GLB1L3: variants seen among roughly 807,000 people sequenced by gnomAD.
GLB1L3 encodes beta-galactosidase-1-like protein 3.
GLB1L3 carries 89 observed loss-of-function variants against 89.5 expected under a neutral mutation model. The ratio of observed to expected loss-of-function variants is 0.99; its 90% CI spans 0.84 to 1.19. GLB1L3 has a LOEUF of 1.19. Ranked by LOEUF, GLB1L3 falls within the 50% of genes most tolerant of loss-of-function variation. GLB1L3 has a pLI of 0.00. For synonymous variants in GLB1L3, 314 were observed against 312.3 expected, an observed-to-expected ratio of 1.01 and a Z score of -0.06; for missense variants, 812 against 813.3, an observed-to-expected ratio of 1.00 and a Z score of 0.02.
chr11:134,319,134 T>A lies in GLB1L3; in HGVS notation c.*192T>A. ...CACGCCTGGCTAATTTTTTGTATTT[T>A]TAGTAGAGATGGGGTTTCACCAAGT... On this transcript the variant is annotated 3_prime_UTR_variant, in exon 20 of 20. Coordinates refer to ENST00000431683, the MANE Select transcript of GLB1L3 (RefSeq NM_001080407.3). The A allele has an allele frequency of 1.9e-6, 1 of 538,026 alleles. No individual in the cohort carries two copies. The highest frequency in any genetic ancestry group is 2.2e-5 in the South Asian group (1 of 45,952). The allele number at this position is 538,026 out of a possible 1,614,324, so 33.3% of individuals were successfully genotyped here.
chr11:134,296,587 CAAGAACAAAA>C (rs1391069289), intron 9 of GLB1L3, among the ~76,000 whole-genome samples: 1 of 147,048 alleles, frequency 6.8e-6, no homozygotes, highest in African/African-American at 2.5e-5. Flanking sequence ...TAAACTATCT[CAAGAACAAAA>C]AACCAAACAC....
At chr11:134,303,755 G>A (rs916208015) in intron 9 of GLB1L3, among the ~76,000 whole-genome samples, 6 of 151,852 alleles carry the variant, frequency 4.0e-5, no homozygotes, top group African/African-American at 1.5e-4. Flanking sequence ...TTATCTTTTT[G>A]CTTTTTATTA....
chr11:134,287,936 GC>G (rs1203615310), intron 6 of GLB1L3, among the ~76,000 whole-genome samples: 2 of 152,164 alleles, frequency 1.3e-5, no homozygotes, highest in Non-Finnish European at 2.9e-5. Context: ...TATAAAGCTG[GC>G]CATTTATGCT....
chr11:134,312,250 C>T lies in GLB1L3; in HGVS notation c.1288-99C>T, dbSNP rs924977081. 38 of 1,374,574 alleles carry T rather than the reference C, an allele frequency of 2.8e-5. No individual in the cohort carries two copies. In the African/African-American group the frequency reaches 4.4e-4, roughly 16 times the overall value. The allele number at this position is 1,374,574 out of a possible 1,614,324, so 85.1% of individuals were successfully genotyped here. A position where few individuals can be genotyped will look rare whatever the true frequency, so the allele number is the denominator to read the frequency against. ...TTCATCATTTCCCATTTGAAGAACC[C>T]TTGGGGACCATTAGGCAGGACCAAA... is the stretch of plus-strand genomic sequence containing the variant. On this transcript the variant is annotated intron_variant, in intron 13 of 19. Coordinates refer to ENST00000431683, the MANE Select transcript of GLB1L3 (RefSeq NM_001080407.3).
chr11:134,313,365 G>A (rs556191007), intron 15 of GLB1L3, 31 bp from the exon 16 acceptor site: 150 of 1,540,406 alleles, frequency 9.7e-5, no homozygotes, highest in Admixed American at 5.8e-5. Context: ...CCATGGCTGC[G>A]TGGTCTCCAT....
chr11:134,310,125 C>A, intron 11 of GLB1L3: 1 of 392,094 alleles, frequency 2.6e-6, no homozygotes, highest in Non-Finnish European at 4.6e-6. Context: ...GAAGGGGTGT[C>A]CACTCTTTTG....
intron 9 of GLB1L3, among the ~76,000 whole-genome samples, chr11:134,300,571 T>A (rs964993010): frequency 2.0e-5 from 3 of 151,966 alleles, no homozygotes; most frequent in Non-Finnish European, 2.9e-5. Context: ...CCTGACCTCA[T>A]GATCCGCCTG....
In GLB1L3 at chr11:134,308,357, TACCACCACC is replaced by T. The variant is rs762722221; in HGVS notation, c.961+1163_961+1171del. Among the ~76,000 whole-genome samples, 3 of 12,228 alleles carry T rather than the reference TACCACCACC, an allele frequency of 2.5e-4. No individual in the cohort carries two copies. The Admixed American group carries it at 2.7e-3, about 11-fold the overall frequency. The allele number at this position is 12,228 out of a possible 152,430, so 8.0% of individuals were successfully genotyped here. ...CCATCACCATCATCACCATCACCACTACCACCACCACCACCACCACCATCACCACCATCA... is the reference window on the plus strand; with the variant it reads ...CCATCACCATCATCACCATCACCACTACCACCACCACCATCACCACCATCA... On this transcript the variant is annotated intron_variant, in intron 10 of 19. Coordinates refer to ENST00000431683, the MANE Select transcript of GLB1L3 (RefSeq NM_001080407.3).
chr11:134,308,111 TACC>T (rs985486353), intron 10 of GLB1L3, among the ~76,000 whole-genome samples: 8 of 131,748 alleles, frequency 6.1e-5, no homozygotes, highest in Non-Finnish European at 1.3e-4. Context: ...CCAGCAACAA[TACC>T]ACCACCATCA....
In GLB1L3 at chr11:134,313,459, C is replaced by A. The variant is rs754813466; in HGVS notation, c.1564C>A (p.Gln522Lys). 7 of 1,577,762 alleles carry A rather than the reference C, an allele frequency of 4.4e-6. No homozygotes were observed. In the East Asian group the frequency reaches 1.6e-4, roughly 37 times the overall value. Residue 522 changes from glutamine to lysine, a missense_variant, in exon 16 of 20, where the codon CAG becomes AAG. This residue lies in a region of GLB1L3 where 618 missense variants were observed against 604.0 expected (regional missense o/e 1.02). Coordinates refer to ENST00000431683, the MANE Select transcript of GLB1L3 (RefSeq NM_001080407.3). ...QGRVNFSWQI[Q>K]NEQKGITGSV... The stretch of plus-strand genomic sequence containing the variant: ...ACGAGTCAATTTTTCATGGCAAATA[C>A]AGAATGAGCAGAAAGGTGGGCTCTG...
chr11:134,283,317 G>C (rs2136116231), intron 5 of GLB1L3, among the ~76,000 whole-genome samples: 1 of 152,212 alleles, frequency 6.6e-6, no homozygotes, highest in East Asian at 1.9e-4. Context: ...GCCCACCTCG[G>C]CCTCCCAAAG....
At chr11:134,283,985 T>C (rs1940848821) in intron 6 of GLB1L3, 140 bp downstream of exon 6, 2 of 631,642 alleles carry the variant, frequency 3.2e-6, no homozygotes, top group African/African-American at 3.7e-5. Context: ...TTCTGGACCC[T>C]TGGCTTGAGG....
chr11:134,291,242 T>C (rs1225506133), intron 7 of GLB1L3, among the ~76,000 whole-genome samples: 1 of 151,500 alleles, frequency 6.6e-6, no homozygotes, highest in African/African-American at 2.4e-5. Context: ...GTGTGGCACT[T>C]CCATGCAACC....
At chr11:134,288,157 G>A (rs1193339946) in intron 6 of GLB1L3, among the ~76,000 whole-genome samples, 1 of 152,214 alleles carries the variant, frequency 6.6e-6, no homozygotes, top group Non-Finnish European at 1.5e-5. Context: ...GGCAGGATGG[G>A]CTGGAAGCTT....
At chr11:134,310,866 C>G (rs1185512595) in intron 12 of GLB1L3, 198 bp from the exon 13 acceptor site, 9 of 620,664 alleles carry the variant, frequency 1.5e-5, no homozygotes, top group Admixed American at 1.2e-4. Flanking sequence ...AGTTTCTTCA[C>G]TGAAGCATAA....
At position 134,310,654 on chromosome 11, in the gene GLB1L3, A is replaced by T. The variant is rs1347420614; in HGVS notation, c.1180+3A>T. On this transcript the variant is annotated splice_donor_region_variant and intron_variant, in intron 12 of 19. Coordinates refer to ENST00000431683, the MANE Select transcript of GLB1L3 (RefSeq NM_001080407.3). ...AAAACTCTTTCAATCTGTCTCAGGTACTCAGCACCCATTTAACTTACGGGC... is the reference window on the plus strand; with the variant it reads ...AAAACTCTTTCAATCTGTCTCAGGTTCTCAGCACCCATTTAACTTACGGGC... 1 of 1,609,250 alleles carries T rather than the reference A, an allele frequency of 6.2e-7. No individual in the cohort carries two copies. Among genetic ancestry groups the T allele is most frequent in the South Asian group, 1.1e-5 (1 of 90,796 alleles).
At chr11:134,289,649 C>T (rs757910959) in intron 7 of GLB1L3, among the ~76,000 whole-genome samples, 2 of 152,172 alleles carry the variant, frequency 1.3e-5, no homozygotes, top group African/African-American at 2.4e-5. Flanking sequence ...GTGAATCTTC[C>T]TCCACTGTAA....
At chr11:134,278,062 G>A (rs748175532) in intron 3 of GLB1L3, 150 bp downstream of exon 3, 2 of 746,996 alleles carry the variant, frequency 2.7e-6, no homozygotes, top group Non-Finnish European at 4.4e-6. Context: ...TAAGCGTCCA[G>A]CTGTCACTTA....
At chr11:134,284,983 C>T (rs370351930) in intron 6 of GLB1L3, among the ~76,000 whole-genome samples, 5 of 135,318 alleles carry the variant, frequency 3.7e-5, no homozygotes, top group African/African-American at 1.1e-4. Context: ...GGCTGGAGTG[C>T]AGTGGCTTGA....
Sources: allele counts gnomAD v4.1 joint callset (sites outside exome capture counted in the v4.1 genomes callset), GRCh38; gene constraint gnomAD v4.1.1; regional missense constraint gnomAD v4.1.1; transcripts MANE v1.5; gene names NCBI Gene and HGNC (gene_info 2026-07-23, HGNC 2026-07-21).